PATL2: variants seen among roughly 807,000 people sequenced by gnomAD.
PATL2 encodes PAT1 homolog 2.
PATL2 carries 73 observed loss-of-function variants against 77.0 expected under a neutral mutation model. That is an observed-to-expected ratio of 0.95 (90% CI 0.78 to 1.15). The LOEUF is 1.15. Among genes scored for constraint, PATL2 ranks in the 50% most tolerant of loss-of-function variants. The probability of loss-of-function intolerance (pLI) is 0.00; values close to 1 mark genes in which losing one functional copy is unlikely to be tolerated. For synonymous variants in PATL2, 265 were observed against 257.1 expected (o/e 1.03, Z -0.29); for missense variants, 618 against 655.4 (o/e 0.94, Z 0.62).
chr15:44,675,834 G>T lies in PATL2; in HGVS notation c.17-143C>A, dbSNP rs796280617. The stretch of plus-strand genomic sequence containing the variant: ...GAACATAACGCCTCCTGTTCTGTGG[G>T]TTTAACTCGGCCTCCCTTCTCCCAA... On this transcript the variant is annotated intron_variant, in intron 4 of 17. Transcript: ENST00000682850. 3 of 701,020 alleles carry T rather than the reference G, an allele frequency of 4.3e-6. No individual in the cohort carries two copies. The African/African-American group carries it at 5.4e-5, about 13-fold the overall frequency. The allele number at this position is 701,020 out of a possible 1,614,324, so 43.4% of individuals were successfully genotyped here.
intron 6 of PATL2, 22 bp downstream of exon 6, chr15:44,674,128 A>G: frequency 6.5e-7 from 1 of 1,527,356 alleles, no homozygotes; most frequent in East Asian, 2.5e-5. Context: ...TACCCACAGT[A>G]TGGAGACTGC....
chr15:44,667,155 C>T lies in PATL2; in HGVS notation c.1414G>A (p.Val472Ile), dbSNP rs1453668266. 3 of 1,551,618 alleles carry T rather than the reference C, an allele frequency of 1.9e-6. No individual in the cohort carries two copies. The highest frequency in any genetic ancestry group is 3.9e-5 in the Admixed American group (2 of 51,000). ...YALLSHGEQL[V>I]SLHSSLEEPN... ...TCCTCTAGGGAAGAATGCAGCGATA[C>T]CAGTTGCTCCCCATGGCTCAGCAGG... The change falls in exon 16 of 18, where the codon GTA (valine) becomes ATA (isoleucine). Residue 472 changes from valine (V) to isoleucine (I), a missense_variant. Coordinates refer to ENST00000682850, the MANE Select transcript of PATL2 (RefSeq NM_001387263.1).
At chr15:44,676,144 A>G (rs2085943713) in intron 4 of PATL2, 2 of 406,240 alleles carry the variant, frequency 4.9e-6, no homozygotes, top group African/African-American at 2.0e-5. Context: ...GCCCCACCCA[A>G]CGCCCTTTCT....
At chr15:44,692,912 C>A (rs2086423742) in intron 3 of PATL2, among the ~76,000 whole-genome samples, 1 of 152,250 alleles carries the variant, frequency 6.6e-6, no homozygotes, top group African/African-American at 2.4e-5. Flanking sequence ...GCCCACATCA[C>A]TGGGGCTAAC....
chr15:44,678,370 G>A (rs1053333383), intron 3 of PATL2, among the ~76,000 whole-genome samples: 13 of 152,120 alleles, frequency 8.5e-5, no homozygotes, highest in African/African-American at 2.9e-4. Context: ...CAAAGCAGGT[G>A]GACTAGGGCT....
At chr15:44,698,164 G>T (rs1328412671) in intron 3 of PATL2, among the ~76,000 whole-genome samples, 1 of 151,336 alleles carries the variant, frequency 6.6e-6, no homozygotes, top group African/African-American at 2.4e-5. Context: ...AAGTGTATGA[G>T]ATATTTTGAT....
intron 16 of PATL2, 129 bp downstream of exon 16, chr15:44,666,977 C>T (rs1231120175): frequency 2.9e-5 from 21 of 732,310 alleles, no homozygotes; most frequent in Non-Finnish European, 4.3e-5. Context: ...ACAGCTACAA[C>T]ACTGCTACTA....
At chr15:44,687,433 A>G (rs755003025) in intron 3 of PATL2, among the ~76,000 whole-genome samples, 4 of 152,230 alleles carry the variant, frequency 2.6e-5, no homozygotes, top group African/African-American at 4.8e-5. Context: ...ATTTATGACA[A>G]ACACACAGCC....
intron 3 of PATL2, among the ~76,000 whole-genome samples, chr15:44,701,980 G>C (rs2086639808): frequency 6.6e-6 from 1 of 152,052 alleles, no homozygotes; most frequent in Admixed American, 6.5e-5. Context: ...ACCAAGCCAT[G>C]AGGGATCTGC....
chr15:44,667,041 C>T (rs772022619), intron 16 of PATL2, 65 bp downstream of exon 16: 5 of 1,259,692 alleles, frequency 4.0e-6, no homozygotes, highest in Non-Finnish European at 4.5e-6. Context: ...GGAAATACTT[C>T]ACCTGGCTCA....
At chr15:44,677,026 T>C (rs2085993401) in intron 3 of PATL2, 1 of 562,654 alleles carries the variant, frequency 1.8e-6, no homozygotes, top group Non-Finnish European at 2.3e-6. Flanking sequence ...TATGAGAACA[T>C]AGTTTAATGA....
At chr15:44,686,663 C>T (rs2086264923) in intron 3 of PATL2, among the ~76,000 whole-genome samples, 1 of 151,496 alleles carries the variant, frequency 6.6e-6, no homozygotes, top group African/African-American at 2.4e-5. Flanking sequence ...ACTAGCCATA[C>T]TAATAAAGAA....
At position 44,675,640 on chromosome 15, in the gene PATL2, G is replaced by A. The variant is rs1257628644; in HGVS notation, c.68C>T (p.Ala23Val). The change falls in exon 5 of 18, where the codon GCC becomes GTC. Residue 23 changes from alanine (A) to valine (V), a missense_variant. Physicochemically the swap from Ala to Val is moderately conservative, Grantham distance 64 (BLOSUM62 0). Coordinates refer to ENST00000682850, the MANE Select transcript of PATL2 (RefSeq NM_001387263.1). Reference sequence around the variant, plus strand: ...CTCTTCTTCTTTTTCCAACTGGCAGGCAGACACCAGCTCCTCCTCAGAAGC... The same window carrying A: ...CTCTTCTTCTTTTTCCAACTGGCAGACAGACACCAGCTCCTCCTCAGAAGC... ...PLASEEELVS[A>V]CQLEKEEENE... 1.9e-6 allele frequency: 3 copies of A among 1,551,566 alleles called. No homozygotes were observed. The highest frequency in any genetic ancestry group is 1.2e-5 in the South Asian group (1 of 84,046).
At position 44,673,230 on chromosome 15, in the gene PATL2, A is replaced by C. The variant is rs1398399015; in HGVS notation, c.446+5T>G. On this transcript the variant is annotated splice_donor_5th_base_variant and intron_variant, in intron 7 of 17. Transcript: ENST00000682850. Reference sequence around the variant, plus strand: ...AGACCTCTGGGGAGAACCTCAAACCAGTACCTGAACCTAGGGGGCCACGAG... The same window carrying C: ...AGACCTCTGGGGAGAACCTCAAACCCGTACCTGAACCTAGGGGGCCACGAG... The C allele has an allele frequency of 6.4e-7, 1 of 1,551,084 alleles. No individual in the cohort carries two copies. The highest frequency in any genetic ancestry group is 1.4e-5 in the African/African-American group (1 of 73,022).
chr15:44,697,592 C>T lies in PATL2; in HGVS notation c.-76+12504G>A, dbSNP rs1029134177. On this transcript the variant is annotated intron_variant, in intron 3 of 17. Coordinates refer to ENST00000682850, the MANE Select transcript of PATL2 (RefSeq NM_001387263.1). Reference sequence around the variant, plus strand: ...GTTCCCCTCACCTTCTCATTTGCTTCATATCTTGGTGCTGGTTGCTCTGTA... The same window carrying T: ...GTTCCCCTCACCTTCTCATTTGCTTTATATCTTGGTGCTGGTTGCTCTGTA... 3.9e-5 allele frequency among the ~76,000 whole-genome samples: 6 copies of T among 152,260 alleles called. No homozygotes were observed. In the South Asian group the frequency reaches 1.0e-3, roughly 26 times the overall value.
intron 3 of PATL2, among the ~76,000 whole-genome samples, chr15:44,681,840 CT>C (rs1184431672): frequency 6.6e-6 from 1 of 152,220 alleles, no homozygotes; most frequent in African/African-American, 2.4e-5. Context: ...GCATAAGCCC[CT>C]TTACAATCTG....
At chr15:44,675,376 C>G (rs2085901180) in intron 5 of PATL2, 110 bp downstream of exon 5, 7 of 1,267,892 alleles carry the variant, frequency 5.5e-6, no homozygotes, top group South Asian at 1.6e-5. Context: ...AGTGTTAATC[C>G]AGAACTTGTC....
intron 9 of PATL2, 117 bp downstream of exon 9, chr15:44,671,898 C>G: frequency 7.7e-7 from 1 of 1,295,932 alleles, no homozygotes; most frequent in South Asian, 1.5e-5. Context: ...TAGTGATTCT[C>G]TCTCCCACCT....
In PATL2 at chr15:44,672,008, G is replaced by T. The variant is rs1464319048; in HGVS notation, c.657+7C>A. Reference sequence around the variant, plus strand: ...TCAGAGGCTGGGCTGAGTACTGCGGGGCTCACCTGGTAATAGTAGTCATCC... The same window carrying T: ...TCAGAGGCTGGGCTGAGTACTGCGGTGCTCACCTGGTAATAGTAGTCATCC... On this transcript the variant is annotated splice_region_variant and intron_variant, in intron 9 of 17. Coordinates refer to ENST00000682850, the MANE Select transcript of PATL2 (RefSeq NM_001387263.1). The T allele has an allele frequency of 1.3e-6, 2 of 1,551,506 alleles. No homozygotes were observed. Among genetic ancestry groups the T allele is most frequent in the African/African-American group, 1.4e-5 (1 of 73,034 alleles).
Sources: allele counts gnomAD v4.1 joint callset (sites outside exome capture counted in the v4.1 genomes callset), GRCh38; gene constraint gnomAD v4.1.1; transcripts MANE v1.5; gene names NCBI Gene and HGNC (gene_info 2026-07-23, HGNC 2026-07-21).